The following SNUPN variants were observed in gnomAD, a reference collection of about 807,000 sequenced individuals.
SNUPN encodes the protein snurportin 1, also known as snurportin-1.
A neutral mutation model predicts 39.2 loss-of-function variants in SNUPN; 31 were observed. That is an observed-to-expected ratio of 0.79 (90% CI 0.59 to 1.07). SNUPN has a LOEUF of 1.07. Ranked by LOEUF, SNUPN falls within the 50% of genes least tolerant of loss-of-function variation. SNUPN has a pLI of 0.00. For synonymous variants in SNUPN, 132 were observed against 159.0 expected (o/e 0.83, Z 1.28); for missense variants, 382 against 434.2 (o/e 0.88, Z 1.07).
intron 6 of SNUPN, among the ~76,000 whole-genome samples, chr15:75,606,969 C>A (rs1369312420): frequency 6.6e-6 from 1 of 152,188 alleles, no homozygotes; most frequent in African/African-American, 2.4e-5. Flanking sequence ...CCAGCCTACA[C>A]CCCTGCCATT....
intron 3 of SNUPN, among the ~76,000 whole-genome samples, chr15:75,610,317 T>C (rs1375034349): frequency 6.6e-6 from 1 of 151,610 alleles, no homozygotes; most frequent in Non-Finnish European, 1.5e-5. Flanking sequence ...CGAGAATTGC[T>C]TGAACCTGGG....
At chr15:75,614,199 GAAGATCACTTAAACTC>G (rs1739338505) in intron 3 of SNUPN, among the ~76,000 whole-genome samples, 1 of 152,110 alleles carries the variant, frequency 6.6e-6, no homozygotes, top group Admixed American at 6.6e-5. Context: ...GCTGAGGCAG[GAAGATCACTTAAACTC>G]AGGAGATGGA....
chr15:75,615,587 G>C (rs1057293426), intron 3 of SNUPN, among the ~76,000 whole-genome samples: 1 of 146,082 alleles, frequency 6.8e-6, no homozygotes, highest in African/African-American at 2.6e-5. Flanking sequence ...TGGTTGGAAG[G>C]AATCTCATTT....
intron 3 of SNUPN, among the ~76,000 whole-genome samples, chr15:75,614,756 G>T (rs1001929050): frequency 6.6e-6 from 1 of 152,174 alleles, no homozygotes; most frequent in African/African-American, 2.4e-5. Context: ...TAGGCAAATT[G>T]TATGGTATGT....
At chr15:75,610,655 G>A (rs1184396995) in intron 3 of SNUPN, among the ~76,000 whole-genome samples, 8 of 152,082 alleles carry the variant, frequency 5.3e-5, no homozygotes, top group African/African-American at 1.9e-4. Context: ...TTACTATTAT[G>A]TTTGCCACAA....
chr15:75,612,829 A>T (rs1892819577), intron 3 of SNUPN, among the ~76,000 whole-genome samples: 2 of 152,072 alleles, frequency 1.3e-5, no homozygotes, highest in Admixed American at 6.6e-5. Context: ...TTTAAGCATA[A>T]TCTAGGCAAA....
At chr15:75,622,433 C>G (rs900303623) in intron 1 of SNUPN, 1 of 985,170 alleles carries the variant, frequency 1.0e-6, no homozygotes, top group African/African-American at 1.7e-5. Flanking sequence ...ATTAGGGAAA[C>G]AAGACAGGCA....
chr15:75,615,852 C>T (rs971980684), intron 3 of SNUPN, among the ~76,000 whole-genome samples: 2 of 151,894 alleles, frequency 1.3e-5, no homozygotes, highest in Admixed American at 1.3e-4. Context: ...TCGTGATCCA[C>T]CCGCCTTGGC....
chr15:75,612,750 A>T (rs1319040134), intron 3 of SNUPN, among the ~76,000 whole-genome samples: 2 of 151,960 alleles, frequency 1.3e-5, no homozygotes, highest in Non-Finnish European at 2.9e-5. Flanking sequence ...CCCCTGAAAC[A>T]CCTACCCTTC....
chr15:75,621,347 A>G (rs1352684100), intron 1 of SNUPN, among the ~76,000 whole-genome samples: 2 of 151,228 alleles, frequency 1.3e-5, no homozygotes, highest in Non-Finnish European at 2.9e-5. Flanking sequence ...TGTTGCCTCA[A>G]TCTACTGGAC....
At chr15:75,611,707 T>C (rs1214044481) in intron 3 of SNUPN, among the ~76,000 whole-genome samples, 1 of 151,674 alleles carries the variant, frequency 6.6e-6, no homozygotes, top group Admixed American at 6.6e-5. Context: ...ATACAAAAAT[T>C]AGCCAGGCGT....
At chr15:75,616,674 T>C (rs1892946766) in intron 3 of SNUPN, among the ~76,000 whole-genome samples, 1 of 152,096 alleles carries the variant, frequency 6.6e-6, no homozygotes, top group African/African-American at 2.4e-5. Context: ...GATAGCAGGG[T>C]AGACCTCCAT....
In SNUPN at chr15:75,607,298, T is replaced by A; in HGVS notation, c.518A>T (p.Asp173Val). ...NSTAKDYTILDCIYNEVNQTY... is the reference protein window; with the variant it reads ...NSTAKDYTILVCIYNEVNQTY... ...CTGGTTTACCTCATTGTAAATGCAA[T>A]CTAGAATGGTGTAGTCTGAGGACAC... Residue 173 changes from aspartate to valine, a missense_variant, in exon 6 of 9, where the codon GAT (aspartate) becomes GTT (valine). Asp to Val is a radical substitution (Grantham distance 152). Coordinates refer to ENST00000308588, the MANE Select transcript of SNUPN (RefSeq NM_005701.4). 6.2e-7 allele frequency: 1 copy of A among 1,612,222 alleles called. No homozygotes were observed. Among genetic ancestry groups the A allele is most frequent in the Non-Finnish European group, 8.5e-7 (1 of 1,178,324 alleles).
In SNUPN at chr15:75,620,962, C is replaced by T. The variant is rs1226182399; in HGVS notation, c.90G>A (p.Gln30=). 1.9e-6 allele frequency: 3 copies of T among 1,614,164 alleles called. No homozygotes were observed. Among genetic ancestry groups the T allele is most frequent in the Non-Finnish European group, 2.5e-6 (3 of 1,180,006 alleles). ...CCAAGGAACTGTACTTGGACTTGTA[C>T]TGGGATAGGCGGGGGTGTGGGGCAG... ...STAAPHPRLS[Q]YKSKYSSLEQ... The change falls in exon 2 of 9, where the codon CAG becomes CAA. Residue 30 remains glutamine (Q), a synonymous_variant. Transcript: ENST00000308588.
At chr15:75,621,262 CTT>C (rs67400161) in intron 1 of SNUPN, among the ~76,000 whole-genome samples, 22 of 137,534 alleles carry the variant, frequency 1.6e-4, no homozygotes, top group Admixed American at 2.2e-4. Flanking sequence ...CAGATATTTC[CTT>C]TTTTTTTTTT....
chr15:75,598,274 G>GTCAC lies in SNUPN; in HGVS notation c.*80_*83dup. ...TGGAAAGTTCACTCTAAAGAATGAA[G>GTCAC]TCACCTGTTGTCACTGTCCTCCTCT... On this transcript the variant is annotated 3_prime_UTR_variant, in exon 9 of 9. Transcript: ENST00000308588. 5 of 1,097,776 alleles carry GTCAC rather than the reference G, an allele frequency of 4.6e-6. No individual in the cohort carries two copies. The highest frequency in any genetic ancestry group is 6.5e-6 in the Non-Finnish European group (5 of 766,634). The allele number at this position is 1,097,776 out of a possible 1,614,324, so 68.0% of individuals were successfully genotyped here.
Position 75,598,288 on chromosome 15 carries a change from C to CTG in SNUPN, c.*68_*69dup, listed in dbSNP as rs776673747. ...TAAAGAATGAAGTCACCTGTTGTCACTGTCCTCCTCTCCAGGATTCCTTTT... is the reference window on the plus strand; with the variant it reads ...TAAAGAATGAAGTCACCTGTTGTCACTGTGTCCTCCTCTCCAGGATTCCTTTT... On this transcript the variant is annotated 3_prime_UTR_variant, in exon 9 of 9. Transcript: ENST00000308588. 23 of 1,282,352 alleles carry CTG rather than the reference C, an allele frequency of 1.8e-5. No individual in the cohort carries two copies. The highest frequency in any genetic ancestry group is 1.6e-4 in the East Asian group (7 of 42,832). 79.4% of individuals were successfully genotyped at this position (1,282,352 alleles called of 1,614,324 possible).
chr15:75,624,937 T>TA (rs1893180963), intron 1 of SNUPN: 1 of 226,446 alleles, frequency 4.4e-6, no homozygotes, highest in African/African-American at 2.3e-5. Context: ...AACGCCCGGC[T>TA]AATTTTTTTT....
chr15:75,603,054 AT>A (rs34075827), intron 7 of SNUPN, among the ~76,000 whole-genome samples: 137 of 136,958 alleles, frequency 1.0e-3, no homozygotes, highest in Admixed American at 9.6e-4. Context: ...TGGCCCAGGT[AT>A]TTTTTTTTTT....
Sources: allele counts gnomAD v4.1 joint callset (sites outside exome capture counted in the v4.1 genomes callset), GRCh38; gene constraint gnomAD v4.1.1; transcripts MANE v1.5; gene names NCBI Gene and HGNC (gene_info 2026-07-23, HGNC 2026-07-21).